IPO11: variants seen among roughly 807,000 people sequenced by gnomAD.
IPO11 encodes importin-11.
IPO11 carries 66 observed loss-of-function variants against 143.2 expected under a neutral mutation model. The observed-to-expected ratio is 0.46, with a 90% CI of 0.38 to 0.57. The LOEUF (loss-of-function observed/expected upper bound fraction) is 0.57, where lower values mean the gene tolerates loss of function less well. Ranked by LOEUF, IPO11 falls within the 20% of genes least tolerant of loss-of-function variation. The pLI is 0.00. For synonymous variants in IPO11, 385 were observed against 377.8 expected, an observed-to-expected ratio of 1.02 and a Z score of -0.22; for missense variants, 1,026 against 1,141.0, an observed-to-expected ratio of 0.90 and a Z score of 1.45.
intron 26 of IPO11, 49 bp downstream of exon 26, chr5:62,551,385 A>G: frequency 1.0e-6 from 1 of 998,662 alleles, no homozygotes; most frequent in African/African-American, 1.6e-5. Flanking sequence ...CTAAATATAA[A>G]TTAGAAATAG....
intron 24 of IPO11, among the ~76,000 whole-genome samples, chr5:62,542,675 C>G (rs1200292674): frequency 6.6e-6 from 1 of 152,112 alleles, no homozygotes; most frequent in Admixed American, 6.5e-5. Context: ...GCTTTTGGAG[C>G]AAATGGTGTA....
At chr5:62,518,172 G>T (rs750665565) in intron 20 of IPO11, among the ~76,000 whole-genome samples, 1 of 149,100 alleles carries the variant, frequency 6.7e-6, no homozygotes, top group Non-Finnish European at 1.5e-5. Context: ...TTGGCCAGGC[G>T]CAGTGACTCA....
At chr5:62,584,893 A>G (rs915561898) in intron 27 of IPO11, among the ~76,000 whole-genome samples, 2 of 152,152 alleles carry the variant, frequency 1.3e-5, no homozygotes, top group East Asian at 1.9e-4. Context: ...AGAAGAATGT[A>G]TAGTACACCT....
At chr5:62,443,433 G>T (rs944251515) in intron 3 of IPO11, among the ~76,000 whole-genome samples, 7 of 149,788 alleles carry the variant, frequency 4.7e-5, no homozygotes, top group Middle Eastern at 3.4e-3. Flanking sequence ...GTGTGTGCGT[G>T]TGCGTGTGAT....
At chr5:62,442,465 A>C (rs1744520314) in intron 2 of IPO11, among the ~76,000 whole-genome samples, 1 of 152,232 alleles carries the variant, frequency 6.6e-6, no homozygotes, top group Non-Finnish European at 1.5e-5. Context: ...TTAACATACA[A>C]CTGAGCAGGT....
At chr5:62,523,121 G>T (rs548397223) in intron 20 of IPO11, among the ~76,000 whole-genome samples, 1 of 152,318 alleles carries the variant, frequency 6.6e-6, no homozygotes, top group East Asian at 1.9e-4. Context: ...GGCTAAATCA[G>T]TTAGCACTTG....
chr5:62,580,579 C>T (rs1253963751), intron 27 of IPO11: 16 of 1,551,306 alleles, frequency 1.0e-5, no homozygotes, highest in Non-Finnish European at 1.3e-5. Context: ...AGCCATTACT[C>T]TAAACATCTA....
At chr5:62,557,020 C>G (rs1743597416) in intron 26 of IPO11, among the ~76,000 whole-genome samples, 1 of 152,058 alleles carries the variant, frequency 6.6e-6, no homozygotes, top group Non-Finnish European at 1.5e-5. Context: ...TTCTAAAATC[C>G]CTTGGTACAT....
chr5:62,461,432 G>T (rs1580205960), intron 5 of IPO11, among the ~76,000 whole-genome samples: 1 of 152,158 alleles, frequency 6.6e-6, no homozygotes, highest in Non-Finnish European at 1.5e-5. Context: ...GTGACGCAAA[G>T]AACAGACATT....
intron 22 of IPO11, 82 bp from the exon 23 acceptor site, chr5:62,536,620 A>G: frequency 1.4e-6 from 2 of 1,470,356 alleles, no homozygotes; most frequent in Non-Finnish European, 1.8e-6. Context: ...TTAGTTTTAA[A>G]TAACTATGAA....
intron 27 of IPO11, among the ~76,000 whole-genome samples, chr5:62,564,033 G>T (rs1561364647): frequency 6.6e-6 from 1 of 152,098 alleles, no homozygotes; most frequent in South Asian, 2.1e-4. Context: ...AATCTAATGG[G>T]CATTAGCAAA....
chr5:62,429,596 G>GTGTGTGTGTGTA (rs1241792419), intron 1 of IPO11, among the ~76,000 whole-genome samples: 120 of 136,260 alleles, frequency 8.8e-4, no homozygotes, highest in African/African-American at 3.8e-3. Context: ...TCGTGTGTGT[G>GTGTGTGTGTGTA]TGTGTGTGTG....
At chr5:62,581,601 C>T (rs1744568848) in intron 27 of IPO11, 1 of 255,358 alleles carries the variant, frequency 3.9e-6, no homozygotes, top group Non-Finnish European at 7.4e-6. Flanking sequence ...ACTATTTATA[C>T]TTTACAGGTG....
chr5:62,561,232 C>A lies in IPO11; in HGVS notation c.2557C>A (p.Leu853Ile). ...AAGAAAACTTTCAGCTTTGGCTTTG[C>A]TCTCTCTTCTGCCATCTGATAATAG... ...ERRKLSALAL[L>I]SLLPSDNSVI... Residue 853 changes from leucine to isoleucine, a missense_variant, in exon 27 of 30, where the codon CTC becomes ATC. Coordinates refer to ENST00000325324, the MANE Select transcript of IPO11 (RefSeq NM_016338.5). 6.2e-7 allele frequency: 1 copy of A among 1,605,844 alleles called. No individual in the cohort carries two copies. Among genetic ancestry groups the A allele is most frequent in the South Asian group, 1.1e-5 (1 of 90,258 alleles).
chr5:62,564,158 A>G (rs1463129045), intron 27 of IPO11, among the ~76,000 whole-genome samples: 1 of 152,162 alleles, frequency 6.6e-6, no homozygotes, highest in Non-Finnish European at 1.5e-5. Flanking sequence ...AAACATTGAT[A>G]TAGAAAATCT....
intron 2 of IPO11, 150 bp from the exon 3 acceptor site, chr5:62,442,833 C>T: frequency 2.3e-6 from 1 of 441,606 alleles, no homozygotes; most frequent in African/African-American, 2.1e-5. Context: ...CATTGCACTC[C>T]AGCCTGGGCG....
At chr5:62,570,380 T>G (rs1054053726) in intron 27 of IPO11, among the ~76,000 whole-genome samples, 4 of 152,210 alleles carry the variant, frequency 2.6e-5, no homozygotes, top group African/African-American at 9.7e-5. Flanking sequence ...AGGATTTGAA[T>G]GGAAATAGTC....
At chr5:62,453,978 A>C (rs1401251306) in intron 5 of IPO11, among the ~76,000 whole-genome samples, 1 of 150,566 alleles carries the variant, frequency 6.6e-6, no homozygotes, top group East Asian at 1.9e-4. Context: ...TAAAAATACA[A>C]AAAAAAAATA....
chr5:62,413,619 C>T (rs1284178928), intron 1 of IPO11, among the ~76,000 whole-genome samples: 3 of 152,184 alleles, frequency 2.0e-5, no homozygotes, highest in African/African-American at 7.2e-5. Flanking sequence ...ATAGCAAGGA[C>T]TGGTAAATTA....
Sources: allele counts gnomAD v4.1 joint callset (sites outside exome capture counted in the v4.1 genomes callset), GRCh38; gene constraint gnomAD v4.1.1; transcripts MANE v1.5; gene names NCBI Gene and HGNC (gene_info 2026-07-23, HGNC 2026-07-21).